LRRC4C: variants seen among roughly 807,000 people sequenced by gnomAD.
LRRC4C encodes the protein leucine rich repeat containing 4C.
Under a neutral mutation model 33.6 loss-of-function variants are expected in LRRC4C, and 5 were observed. The observed-to-expected ratio is 0.15, with a 90% confidence interval of 0.08 to 0.31. The LOEUF (loss-of-function observed/expected upper bound fraction) is 0.31, where lower values mean the gene tolerates loss of function less well. Among genes scored for constraint, LRRC4C ranks in the 10% least tolerant of loss-of-function variants. The pLI is 1.00. For missense variants in LRRC4C, 560 were observed against 796.7 expected (o/e 0.70, Z 3.58); for synonymous variants, 329 against 302.0 (o/e 1.09, Z -0.93).
chr11:40,915,854 A>G (rs1481155955), intron 2 of LRRC4C, among the ~76,000 whole-genome samples: 1 of 152,172 alleles, frequency 6.6e-6, no homozygotes, highest in Non-Finnish European at 1.5e-5. Flanking sequence ...TTACAAGAAA[A>G]AAACAAACAA....
At chr11:40,222,308 T>C (rs1374732594) in intron 5 of LRRC4C, among the ~76,000 whole-genome samples, 2 of 152,164 alleles carry the variant, frequency 1.3e-5, no homozygotes, top group African/African-American at 2.4e-5. Flanking sequence ...TGAGCCCCCA[T>C]GTATTTGTTT....
At chr11:40,777,824 A>G (rs919562350) in intron 2 of LRRC4C, among the ~76,000 whole-genome samples, 1 of 151,788 alleles carries the variant, frequency 6.6e-6, no homozygotes, top group Non-Finnish European at 1.5e-5. Context: ...AGTAGCTGGG[A>G]CTACAGGCGC....
chr11:40,827,525 T>C (rs888039518), intron 2 of LRRC4C, among the ~76,000 whole-genome samples: 2 of 151,928 alleles, frequency 1.3e-5, no homozygotes, highest in African/African-American at 4.8e-5. Context: ...ACTGACTCTT[T>C]GAGGTTAACT....
chr11:40,172,974 A>C (rs2135447314), intron 5 of LRRC4C, among the ~76,000 whole-genome samples: 1 of 152,330 alleles, frequency 6.6e-6, no homozygotes, highest in Non-Finnish European at 1.5e-5. Flanking sequence ...ACATGCACAG[A>C]GGAAGATCAA....
At chr11:41,209,119 G>C (rs1190500600) in intron 1 of LRRC4C, among the ~76,000 whole-genome samples, 1 of 151,544 alleles carries the variant, frequency 6.6e-6, no homozygotes, top group East Asian at 1.9e-4. Context: ...GTGTTTTGGT[G>C]ATGATAATCT....
Position 41,351,366 on chromosome 11 carries a change from C to T in LRRC4C, c.-496+108065G>A, listed in dbSNP as rs148524660. On this transcript the variant is annotated intron_variant, in intron 1 of 6. Transcript: ENST00000528697. The stretch of plus-strand genomic sequence containing the variant: ...TTATATAAAGACCAAACCTATCACT[C>T]ATTGGCATCCCAGAAAGGGAAGCAG... Among the ~76,000 whole-genome samples the T allele has an allele frequency of 7.3e-4, 111 of 152,268 alleles. No individual in the cohort carries two copies. The East Asian group carries it at 0.019, about 26-fold the overall frequency.
At chr11:40,706,122 T>C (rs1206230242) in intron 2 of LRRC4C, among the ~76,000 whole-genome samples, 5 of 152,160 alleles carry the variant, frequency 3.3e-5, no homozygotes, top group South Asian at 4.1e-4. Flanking sequence ...CTTTGTCAGA[T>C]GGGTAGATTG....
At chr11:40,535,320 A>G (rs1030376270) in intron 3 of LRRC4C, among the ~76,000 whole-genome samples, 1 of 152,222 alleles carries the variant, frequency 6.6e-6, no homozygotes, top group African/African-American at 2.4e-5. Flanking sequence ...AAATACTAAT[A>G]GAAAAAAGTA....
At position 40,944,649 on chromosome 11, in the gene LRRC4C, G is replaced by A. The variant is rs759645674; in HGVS notation, c.-495-10926C>T. Among the ~76,000 whole-genome samples, 30 of 152,126 alleles carry A rather than the reference G, an allele frequency of 2.0e-4. No homozygotes were observed. The East Asian group carries it at 3.1e-3, about 16-fold the overall frequency. On this transcript the variant is annotated intron_variant, in intron 1 of 6. Transcript: ENST00000528697. The stretch of plus-strand genomic sequence containing the variant: ...TGGAAAGCTTAGCCATGCAGAGGGA[G>A]GATTAGAAACAGTAAGCTCCCAGTC...
chr11:40,970,984 T>A (rs1592223537), intron 1 of LRRC4C, among the ~76,000 whole-genome samples: 1 of 152,144 alleles, frequency 6.6e-6, no homozygotes, highest in African/African-American at 2.4e-5. Flanking sequence ...CAACCTATAC[T>A]CACATGTGTG....
chr11:40,261,648 A>C (rs1035042689), intron 4 of LRRC4C, among the ~76,000 whole-genome samples: 4 of 152,204 alleles, frequency 2.6e-5, no homozygotes, highest in Non-Finnish European at 4.4e-5. Context: ...TCTTGAAAAT[A>C]GTCCATCATC....
intron 2 of LRRC4C, among the ~76,000 whole-genome samples, chr11:40,770,190 T>A (rs1949688624): frequency 6.6e-6 from 1 of 152,156 alleles, no homozygotes; most frequent in South Asian, 2.1e-4. Flanking sequence ...GACTTGCAGT[T>A]TCACATGTTT....
intron 1 of LRRC4C, among the ~76,000 whole-genome samples, chr11:41,029,472 G>A (rs374538945): frequency 1.3e-5 from 2 of 151,712 alleles, no homozygotes; most frequent in African/African-American, 2.4e-5. Flanking sequence ...AGCATTTTTA[G>A]TTTTAACTTT....
chr11:40,163,036 G>A (rs1411838256), intron 5 of LRRC4C, among the ~76,000 whole-genome samples: 1 of 152,036 alleles, frequency 6.6e-6, no homozygotes, highest in African/African-American at 2.4e-5. Flanking sequence ...TTGTTAAAGG[G>A]CAGCAACCAT....
intron 3 of LRRC4C, among the ~76,000 whole-genome samples, chr11:40,590,022 C>T (rs1323647330): frequency 2.0e-5 from 3 of 150,474 alleles, no homozygotes; most frequent in Non-Finnish European, 3.0e-5. Context: ...TGAATGTTGA[C>T]CTGCCTTGCT....
intron 2 of LRRC4C, among the ~76,000 whole-genome samples, chr11:40,919,724 T>C (rs966630669): frequency 6.6e-6 from 1 of 152,160 alleles, no homozygotes; most frequent in Non-Finnish European, 1.5e-5. Context: ...CAAGTTTGTG[T>C]AGGATTAAAT....
intron 3 of LRRC4C, among the ~76,000 whole-genome samples, chr11:40,640,078 G>A (rs1942015665): frequency 6.6e-6 from 1 of 152,200 alleles, no homozygotes; most frequent in African/African-American, 2.4e-5. Flanking sequence ...ACTAGGTCAT[G>A]TGAAGGTAGC....
chr11:41,093,942 A>AT (rs1262443136), intron 1 of LRRC4C, among the ~76,000 whole-genome samples: 1 of 149,344 alleles, frequency 6.7e-6, no homozygotes, highest in Non-Finnish European at 1.5e-5. Flanking sequence ...AAAAAAAAAA[A>AT]AAAAAAAACA....
chr11:40,433,598 A>C (rs1020731690), intron 3 of LRRC4C, among the ~76,000 whole-genome samples: 2 of 152,234 alleles, frequency 1.3e-5, no homozygotes, highest in Admixed American at 6.5e-5. Flanking sequence ...CAGAGTGACA[A>C]GCTCCCTGAC....
Sources: gnomAD v4.1 joint callset for allele counts (sites outside exome capture counted in the v4.1 genomes callset) on GRCh38, gnomAD v4.1.1 for gene constraint, MANE v1.5 for transcripts, NCBI Gene and HGNC (gene_info 2026-07-23, HGNC 2026-07-21) for gene names.